Variants in NAALADL2 observed in about 807,000 individuals in gnomAD.
NAALADL2 encodes the protein N-acetylated alpha-linked acidic dipeptidase like 2.
A neutral mutation model predicts 87.2 loss-of-function variants in NAALADL2; 76 were observed. The ratio of observed to expected loss-of-function variants is 0.87; its 90% confidence interval spans 0.72 to 1.05. The LOEUF is 1.05. Among genes scored for constraint, NAALADL2 ranks in the 50% least tolerant of loss-of-function variants. The pLI is 0.00. For synonymous variants in NAALADL2, 354 were observed against 331.0 expected, an observed-to-expected ratio of 1.07 and a Z score of -0.75; for missense variants, 1,089 against 945.8, an observed-to-expected ratio of 1.15 and a Z score of -1.99.
intron 1 of NAALADL2, among the ~76,000 whole-genome samples, chr3:174,933,836 T>C (rs1737272996): frequency 6.6e-6 from 1 of 152,174 alleles, no homozygotes; most frequent in Non-Finnish European, 1.5e-5. Context: ...TTGTGAACCA[T>C]AGTGAACAAC....
chr3:175,013,191 T>TACATATTTATATATAA (rs1177977084), intron 1 of NAALADL2, among the ~76,000 whole-genome samples: 4 of 117,530 alleles, frequency 3.4e-5, no homozygotes, highest in Non-Finnish European at 7.0e-5. Flanking sequence ...TATATAAATA[T>TACATATTTATATATAA]ATATACATAA....
chr3:175,536,711 C>T (rs1456838789), intron 9 of NAALADL2, among the ~76,000 whole-genome samples: 1 of 152,162 alleles, frequency 6.6e-6, no homozygotes, highest in Admixed American at 6.5e-5. Flanking sequence ...GACAGGGTTT[C>T]ACCGTGTTAG....
intron 4 of NAALADL2, among the ~76,000 whole-genome samples, chr3:175,274,984 G>A (rs983519794): frequency 6.6e-6 from 1 of 152,144 alleles, no homozygotes; most frequent in African/African-American, 2.4e-5. Context: ...ATTCTAAGAG[G>A]TATAATGTGA....
chr3:175,447,749 C>A (rs968074079), intron 6 of NAALADL2, among the ~76,000 whole-genome samples: 4 of 152,174 alleles, frequency 2.6e-5, no homozygotes, highest in African/African-American at 9.7e-5. Flanking sequence ...GGTATGAAGT[C>A]TTTTAGTATA....
At chr3:174,691,484 T>G (rs1011586156) in intron 2 of NAALADL2, among the ~76,000 whole-genome samples, 3 of 152,002 alleles carry the variant, frequency 2.0e-5, no homozygotes, top group African/African-American at 7.2e-5. Context: ...CATCTGAGCC[T>G]TCAGCAAGTC....
At chr3:175,654,695 A>G (rs1731212385) in intron 11 of NAALADL2, among the ~76,000 whole-genome samples, 1 of 152,138 alleles carries the variant, frequency 6.6e-6, no homozygotes, top group Non-Finnish European at 1.5e-5. Flanking sequence ...TCTTTTTTTT[A>G]CAGTAGTCCT....
intron 2 of NAALADL2, among the ~76,000 whole-genome samples, chr3:174,703,826 CT>C (rs1315067920): frequency 6.6e-6 from 1 of 152,092 alleles, no homozygotes; most frequent in African/African-American, 2.4e-5. Flanking sequence ...TAGAATTTTA[CT>C]TTTTCTTTTG....
rs1754876914 is a variant in NAALADL2 at position 175,808,222 on chromosome 3, T to C, written c.*5019T>C. Reference sequence around the variant, plus strand: ...AAGATGACATATTTCTTAAGCCATTTATAATCTCATATTCGGGTTGAATCT... The same window carrying C: ...AAGATGACATATTTCTTAAGCCATTCATAATCTCATATTCGGGTTGAATCT... On this transcript the variant is annotated 3_prime_UTR_variant, in exon 14 of 14. Coordinates refer to ENST00000454872, the MANE Select transcript of NAALADL2 (RefSeq NM_207015.3). 6.6e-6 allele frequency: 1 copy of C among 151,974 alleles called. No individual in the cohort carries two copies. The highest frequency in any genetic ancestry group is 2.4e-5 in the African/African-American group (1 of 41,428). The allele number at this position is 151,974 out of a possible 1,614,324, so 9.4% of individuals were successfully genotyped here.
chr3:175,520,520 G>A (rs1018653169), intron 9 of NAALADL2, among the ~76,000 whole-genome samples: 4 of 151,462 alleles, frequency 2.6e-5, no homozygotes, highest in Admixed American at 1.3e-4. Context: ...GGATGGTCTC[G>A]ATCTCCTGAC....
At chr3:175,164,437 G>A (rs1733695488) in intron 2 of NAALADL2, among the ~76,000 whole-genome samples, 1 of 151,810 alleles carries the variant, frequency 6.6e-6, no homozygotes, top group Non-Finnish European at 1.5e-5. Context: ...AGAATTAAAG[G>A]AAAGAAGCTG....
intron 2 of NAALADL2, among the ~76,000 whole-genome samples, chr3:174,725,298 T>A (rs1000750313): frequency 5.9e-5 from 9 of 152,180 alleles, no homozygotes; most frequent in African/African-American, 2.2e-4. Context: ...TTGAGATTAG[T>A]ACTACAAAAT....
chr3:175,254,536 C>T (rs185951289), intron 3 of NAALADL2, among the ~76,000 whole-genome samples: 186 of 152,234 alleles, frequency 1.2e-3, no homozygotes, highest in African/African-American at 4.3e-3. Flanking sequence ...GATCTATATC[C>T]TCCAAAACAA....
At chr3:175,500,421 A>G (rs893733901) in intron 9 of NAALADL2, among the ~76,000 whole-genome samples, 3 of 151,994 alleles carry the variant, frequency 2.0e-5, no homozygotes, top group African/African-American at 7.2e-5. Context: ...AGAAACATGG[A>G]TAAGGGCCTT....
chr3:174,507,462 C>T (rs28548534), intron 1 of NAALADL2, among the ~76,000 whole-genome samples: 33,929 of 151,210 alleles, frequency 0.22, 3,956 homozygotes, highest in Middle Eastern at 0.31. Context: ...TTGTAATCAC[C>T]CTTATTGAAG....
intron 3 of NAALADL2, among the ~76,000 whole-genome samples, chr3:174,747,621 C>CAAAAAAAAAAAAAAAAA (rs150843588): frequency 2.6e-5 from 1 of 38,660 alleles, no homozygotes; most frequent in Non-Finnish European, 4.3e-5. Flanking sequence ...GACCCCATCT[C>CAAAAAAAAAAAAAAAAA]AAAAAAAAAA....
intron 2 of NAALADL2, among the ~76,000 whole-genome samples, chr3:174,680,166 A>C (rs1487860296): frequency 3.5e-5 from 5 of 143,160 alleles, no homozygotes; most frequent in Non-Finnish European, 6.1e-5. Flanking sequence ...AAATGTTGAA[A>C]CTTGGTTTTG....
At chr3:174,949,372 A>C (rs1739980922) in intron 1 of NAALADL2, among the ~76,000 whole-genome samples, 1 of 152,116 alleles carries the variant, frequency 6.6e-6, no homozygotes, top group South Asian at 2.1e-4. Context: ...CCATGGTTGC[A>C]AGCCTGCCCA....
At chr3:175,331,120 C>A (rs992879074) in intron 5 of NAALADL2, among the ~76,000 whole-genome samples, 2 of 152,000 alleles carry the variant, frequency 1.3e-5, no homozygotes, top group Non-Finnish European at 2.9e-5. Flanking sequence ...CCTGGACATA[C>A]CAATAACAAG....
intron 1 of NAALADL2, among the ~76,000 whole-genome samples, chr3:175,047,340 A>G (rs1001014138): frequency 6.6e-6 from 1 of 152,196 alleles, no homozygotes; most frequent in African/African-American, 2.4e-5. Flanking sequence ...TATTTCCCAT[A>G]GCAGGGTGGC....
Sources: allele counts gnomAD v4.1 joint callset (sites outside exome capture counted in the v4.1 genomes callset), GRCh38; gene constraint gnomAD v4.1.1; transcripts MANE v1.5; gene names NCBI Gene and HGNC (gene_info 2026-07-23, HGNC 2026-07-21).